Variants in ROBO3 observed in about 807,000 individuals in gnomAD.
The protein encoded by ROBO3 is roundabout guidance receptor 3, also known as roundabout homolog 3.
ROBO3 carries 97 observed loss-of-function variants against 160.5 expected under a neutral mutation model. The observed-to-expected ratio is 0.60, with a 90% CI of 0.51 to 0.72. The LOEUF (loss-of-function observed/expected upper bound fraction) is 0.72, where lower values mean the gene tolerates loss of function less well. Among genes scored for constraint, ROBO3 ranks in the 30% least tolerant of loss-of-function variants. The pLI is 0.00. For synonymous variants in ROBO3, 780 were observed against 746.2 expected (o/e 1.05, Z -0.74); for missense variants, 1,858 against 1,846.5 (o/e 1.01, Z -0.11).
intron 1 of ROBO3, among the ~76,000 whole-genome samples, chr11:124,867,198 A>G (rs1028028341): frequency 2.0e-5 from 3 of 152,216 alleles, no homozygotes; most frequent in Admixed American, 2.0e-4. Flanking sequence ...GGCCTGGTAG[A>G]ATTTGATTCA....
In ROBO3 at chr11:124,879,307, C is replaced by T. The variant is rs766331147; in HGVS notation, c.3651C>T (p.Pro1217=). The T allele has an allele frequency of 1.2e-6, 2 of 1,607,970 alleles. No individual in the cohort carries two copies. Among genetic ancestry groups the T allele is most frequent in the Non-Finnish European group, 1.7e-6 (2 of 1,177,590 alleles). ...AGPAASPHLS[P]SPAPSTASSA... ...CTGCAGCCTCACCCCACCTCAGCCCCAGTCCTGCCCCTAGCACAGCCAGCA... is the reference window on the plus strand; with the variant it reads ...CTGCAGCCTCACCCCACCTCAGCCCTAGTCCTGCCCCTAGCACAGCCAGCA... Residue 1217 remains proline, a synonymous_variant, in exon 24 of 28, where the codon CCC becomes CCT. Coordinates refer to ENST00000397801, the MANE Select transcript of ROBO3 (RefSeq NM_022370.4).
At position 124,871,077 on chromosome 11, in the gene ROBO3, T is replaced by C. The variant is rs767862660; in HGVS notation, c.1097T>C (p.Phe366Ser). The change falls in exon 7 of 28, where the codon TTC becomes TCC. Residue 366 changes from phenylalanine to serine, a missense_variant. Transcript: ENST00000397801. ...QMAAPGESVA[F>S]QCETKGNPPP... ...GCAGCTCCTGGAGAGAGCGTGGCTT[T>C]CCAGTGCGAGACCAAAGGAAACCCC... 6.2e-7 allele frequency: 1 copy of C among 1,613,742 alleles called. No homozygotes were observed. The highest frequency in any genetic ancestry group is 8.5e-7 in the Non-Finnish European group (1 of 1,179,680).
Position 124,873,933 on chromosome 11 carries a change from C to T in ROBO3, c.1784+71C>T. 5 of 1,595,324 alleles carry T rather than the reference C, an allele frequency of 3.1e-6. No homozygotes were observed. Among genetic ancestry groups the T allele is most frequent in the Non-Finnish European group, 3.4e-6 (4 of 1,165,150 alleles). ...GGATCCTATGCCCTTAGGGTCTTTG[C>T]TATTGTGAGGTGGGATTCTCCAGTA... On this transcript the variant is annotated intron_variant, in intron 11 of 27. Transcript: ENST00000397801. This position sits in a 1 kb window ranked among gnomAD's most constrained non-coding sequence, Gnocchi z 4.5.
chr11:124,875,949 C>T lies in ROBO3; in HGVS notation c.2422-5C>T, dbSNP rs1946355506. ...GACTCTAAATCCGGGACTCGGCCTC[C>T]CTAGATCTGGTGCCTGGGCAATGAG... is the stretch of plus-strand genomic sequence containing the variant. On this transcript the variant is annotated splice_region_variant and splice_polypyrimidine_tract_variant and intron_variant, in intron 15 of 27. Coordinates refer to ENST00000397801, the MANE Select transcript of ROBO3 (RefSeq NM_022370.4). 6.3e-7 allele frequency: 1 copy of T among 1,593,198 alleles called. No homozygotes were observed. The highest frequency in any genetic ancestry group is 8.5e-7 in the Non-Finnish European group (1 of 1,170,090).
Position 124,880,456 on chromosome 11 carries a change from T to TC in ROBO3, c.4000dup (p.Arg1334ProfsTer23), listed in dbSNP as rs780481901. 3 of 1,611,944 alleles carry TC rather than the reference T, an allele frequency of 1.9e-6. No homozygotes were observed. The highest frequency in any genetic ancestry group is 2.5e-6 in the Non-Finnish European group (3 of 1,179,170). On this transcript the variant is annotated frameshift_variant, in exon 27 of 28. Transcript: ENST00000397801. LOFTEE classifies it high-confidence loss of function. The stretch of plus-strand genomic sequence containing the variant: ...CCCATACAGCAGACCAAGCTTCCTG[T>TC]CCCGGGGCCAGGGCACCAGCACATG...
rs750887614 is a variant in ROBO3, at chr11:124,873,263, G to T, written c.1537-47G>T. ...GCTACCCGCCTCCACCCCCTCACTG[G>T]ATCTTGCTCCACTCTCAGTTTGCCA... On this transcript the variant is annotated intron_variant, in intron 9 of 27. Transcript: ENST00000397801. This position sits in a 1 kb window ranked among gnomAD's most constrained non-coding sequence, Gnocchi z 4.5. 31 of 1,549,080 alleles carry T rather than the reference G, an allele frequency of 2.0e-5. 1 individual carries two copies. In the South Asian group the frequency reaches 3.5e-4, roughly 17 times the overall value.
chr11:124,873,472 C>T lies in ROBO3; in HGVS notation c.1618+81C>T, dbSNP rs2135330412. 1 of 1,244,368 alleles carries T rather than the reference C, an allele frequency of 8.0e-7. No homozygotes were observed. Among genetic ancestry groups the T allele is most frequent in the South Asian group, 1.3e-5 (1 of 77,792 alleles). 77.1% of individuals were successfully genotyped at this position (1,244,368 alleles called of 1,614,324 possible). A position where few individuals can be genotyped will look rare whatever the true frequency, so the allele number is the denominator to read the frequency against. On this transcript the variant is annotated intron_variant, in intron 10 of 27. Transcript: ENST00000397801. This position sits in a 1 kb window ranked among gnomAD's most constrained non-coding sequence, Gnocchi z 4.5. ...AACAGGTAGTCGATACCTCCTCAAA[C>T]TCCGGGATTAACTTTATGTCACAAA...
Position 124,876,890 on chromosome 11 carries a change from T to C in ROBO3, c.2780-271T>C. On this transcript the variant is annotated intron_variant, in intron 17 of 27. Transcript: ENST00000397801. This position sits in a 1 kb window ranked among gnomAD's most constrained non-coding sequence, Gnocchi z 5.3. ...AGAAGGCGATCCGAGTTCTGCTACT[T>C]CCTAGTAAGGGACGTCTCTGGAGAG... The C allele has an allele frequency of 3.4e-6, 2 of 585,006 alleles. No homozygotes were observed. The highest frequency in any genetic ancestry group is 6.1e-6 in the Non-Finnish European group (2 of 329,214). The allele number at this position is 585,006 out of a possible 1,614,324, so 36.2% of individuals were successfully genotyped here.
At position 124,876,111 on chromosome 11, in the gene ROBO3, T is replaced by G; in HGVS notation, c.2579T>G (p.Val860Gly). ...GGCGTGGGCGTGCCCAGTGCCCCAG[T>G]GCTGGTGCAGCTGCGTGAGTCCACC... ...SAGVGVPSAP[V>G]LVQLPSPPDL... Residue 860 changes from valine (V) to glycine (G), a missense_variant, in exon 16 of 28, where the codon GTG becomes GGG. Coordinates refer to ENST00000397801, the MANE Select transcript of ROBO3 (RefSeq NM_022370.4). The surrounding 1 kb of genome is among the most constrained non-coding windows in gnomAD (Gnocchi z 5.3). 1 of 1,603,620 alleles carries G rather than the reference T, an allele frequency of 6.2e-7. No homozygotes were observed. Among genetic ancestry groups the G allele is most frequent in the Non-Finnish European group, 8.5e-7 (1 of 1,177,832 alleles).
chr11:124,871,111 C>T lies in ROBO3; in HGVS notation c.1131C>T (p.Ala377=). Residue 377 remains alanine, a synonymous_variant, in exon 7 of 28, where the codon GCC becomes GCT. Transcript: ENST00000397801. The part of the protein sequence containing the change: ...QCETKGNPPP[A]IFWQKEGSQV... ...AGACCAAAGGAAACCCCCCACCTGC[C>T]ATCTTCTGGCAGAAGGAGGGGAGTC... 6.2e-7 allele frequency: 1 copy of T among 1,613,514 alleles called. No homozygotes were observed. The highest frequency in any genetic ancestry group is 8.5e-7 in the Non-Finnish European group (1 of 1,179,580).
chr11:124,877,283 A>G lies in ROBO3; in HGVS notation c.2820A>G (p.Ser940=). 3 of 1,613,796 alleles carry G rather than the reference A, an allele frequency of 1.9e-6. No homozygotes were observed. The highest frequency in any genetic ancestry group is 2.5e-6 in the Non-Finnish European group (3 of 1,179,842). ...TTTCCCCAGTGTCCTTCCCGCACTC[A>G]GAGGGCCTCTCTGGAGCCAGTTCCA... is the stretch of plus-strand genomic sequence containing the variant. The part of the protein sequence containing the change: ...AYTPAVSFPH[S]EGLSGASSRP... The change falls in exon 19 of 28, where the codon TCA becomes TCG. Residue 940 remains serine, a synonymous_variant. Transcript: ENST00000397801.
intron 12 of ROBO3, 111 bp from the exon 13 acceptor site, chr11:124,874,677 G>C: frequency 7.8e-7 from 1 of 1,280,378 alleles, no homozygotes; most frequent in Non-Finnish European, 1.0e-6. Context: ...TGACCATGGG[G>C]TGTGCTCTGG....
At chr11:124,881,121 A>G in intron 27 of ROBO3, 118 bp from the exon 28 acceptor site, 2 of 929,942 alleles carry the variant, frequency 2.2e-6, no homozygotes, top group Non-Finnish European at 3.4e-6. Flanking sequence ...CACATAATAG[A>G]GGAGCCTGGG....
At position 124,869,493 on chromosome 11, in the gene ROBO3, G is replaced by A. The variant is rs930203768; in HGVS notation, c.531G>A (p.Val177=). The part of the protein sequence containing the change: ...DFRQSPGNVV[V]AVGEPAVLEC... Reference sequence around the variant, plus strand: ...GGCAGTCTCCTGGAAACGTGGTGGTGGCAGTGGGGGAGCCAGCAGTACTGG... The same window carrying A: ...GGCAGTCTCCTGGAAACGTGGTGGTAGCAGTGGGGGAGCCAGCAGTACTGG... Residue 177 remains valine, a synonymous_variant, in exon 3 of 28, where the codon GTG becomes GTA. Coordinates refer to ENST00000397801, the MANE Select transcript of ROBO3 (RefSeq NM_022370.4). The surrounding 1 kb of genome is among the most constrained non-coding windows in gnomAD (Gnocchi z 4.2). The A allele has an allele frequency of 1.3e-6, 2 of 1,556,944 alleles. No homozygotes were observed. Among genetic ancestry groups the A allele is most frequent in the East Asian group, 2.4e-5 (1 of 42,100 alleles).
chr11:124,875,208 C>T lies in ROBO3; in HGVS notation c.2171C>T (p.Pro724Leu), dbSNP rs750905930. 5.0e-6 allele frequency: 8 copies of T among 1,613,802 alleles called. No individual in the cohort carries two copies. Among genetic ancestry groups the T allele is most frequent in the African/African-American group, 1.3e-5 (1 of 74,990 alleles). The change falls in exon 14 of 28, where the codon CCA (proline) becomes CTA (leucine). Residue 724 changes from proline (P) to leucine (L), a missense_variant. Physicochemically the swap from Pro to Leu is moderately conservative, Grantham distance 98 (BLOSUM62 -3). Transcript: ENST00000397801. The stretch of plus-strand genomic sequence containing the variant: ...TGGACAATGTTGGACCTACAGTCCC[C>T]AAGCCAGCAAAGTACTGTGCTAAGA... ...GSWTMLDLQS[P>L]SQQSTVLRGL...
In ROBO3 at chr11:124,877,960, G is replaced by C. The variant is rs377043138; in HGVS notation, c.3010G>C (p.Ala1004Pro). The C allele has an allele frequency of 3.7e-6, 6 of 1,608,182 alleles. No homozygotes were observed. The African/African-American group carries it at 8.0e-5, about 21-fold the overall frequency. ...AGAAGCGGGAATCTCCCTGTATCTA[G>C]CTCAGACGGCCAGGGGCACGGCCGC... is the stretch of plus-strand genomic sequence containing the variant. ...YNEAGISLYL[A>P]QTARGTAAPG... Residue 1004 changes from alanine (A) to proline (P), a missense_variant, in exon 21 of 28, where the codon GCT (alanine) becomes CCT (proline). Transcript: ENST00000397801.
At position 124,878,675 on chromosome 11, in the gene ROBO3, C is replaced by G. The variant is rs762363570; in HGVS notation, c.3412C>G (p.Arg1138Gly). 1.2e-6 allele frequency: 2 copies of G among 1,613,664 alleles called. No individual in the cohort carries two copies. The highest frequency in any genetic ancestry group is 3.3e-5 in the Admixed American group (2 of 59,994). The change falls in exon 23 of 28, where the codon CGA (arginine) becomes GGA (glycine). Residue 1138 changes from arginine to glycine, a missense_variant. Arg to Gly is a moderately radical substitution (Grantham distance 125). Transcript: ENST00000397801. This position sits in a 1 kb window ranked among gnomAD's most constrained non-coding sequence, Gnocchi z 4.3. ...TGGAGGGTGCCTGGTCACCCCATCC[C>G]GAAGGGAAACCCCCTCTCCCACACC... is the stretch of plus-strand genomic sequence containing the variant. ...SSGGCLVTPS[R>G]RETPSPTPSY...
rs1259966244 is a variant in ROBO3, at chr11:124,878,259, C to T, written c.3182-39C>T. The T allele has an allele frequency of 1.9e-6, 3 of 1,607,284 alleles. No homozygotes were observed. The Admixed American group carries it at 5.1e-5, about 27-fold the overall frequency. On this transcript the variant is annotated intron_variant, in intron 21 of 27. Coordinates refer to ENST00000397801, the MANE Select transcript of ROBO3 (RefSeq NM_022370.4). This position sits in a 1 kb window ranked among gnomAD's most constrained non-coding sequence, Gnocchi z 4.3. ...GACCTGTCTCATCTCTGGCTCTTTC[C>T]TGCCTGTTCTCCGGGTGTCCCCATC... is the stretch of plus-strand genomic sequence containing the variant.
chr11:124,872,165 G>A lies in ROBO3; in HGVS notation c.1159-216G>A, dbSNP rs963163793. 5.9e-5 allele frequency among the ~76,000 whole-genome samples: 9 copies of A among 152,172 alleles called. No homozygotes were observed. Among genetic ancestry groups the A allele is most frequent in the East Asian group, 1.9e-4 (1 of 5,200 alleles). On this transcript the variant is annotated intron_variant, in intron 7 of 27. Transcript: ENST00000397801. This position sits in a 1 kb window ranked among gnomAD's most constrained non-coding sequence, Gnocchi z 4.3. ...CAGGGTTTCCCCACTAGTAAGTCAC[G>A]GAGCTGGGAAGTAGACTCTGAAATT...
Sources: allele counts gnomAD v4.1 joint callset (sites outside exome capture counted in the v4.1 genomes callset), GRCh38; gene constraint gnomAD v4.1.1; non-coding constraint Gnocchi (gnomAD v3.1); transcripts MANE v1.5; gene names NCBI Gene and HGNC (gene_info 2026-07-23, HGNC 2026-07-21).